Variants in SHB observed in about 807,000 individuals in gnomAD.
SHB encodes the protein SH2 domain containing adaptor protein B.
In SHB, 20 loss-of-function variants were observed where a neutral mutation model predicts 52.3. The observed-to-expected ratio is 0.38, with a 90% CI of 0.27 to 0.56. SHB has a LOEUF of 0.56. Among genes scored for constraint, SHB ranks in the 20% least tolerant of loss-of-function variants. SHB has a pLI of 0.71. For missense variants in SHB, 825 were observed against 723.3 expected, an observed-to-expected ratio of 1.14 and a Z score of -1.61; for synonymous variants, 397 against 316.5, an observed-to-expected ratio of 1.25 and a Z score of -2.70.
rs1832124791 is a variant in SHB, at chr9:37,918,105, T to C, written c.*1716A>G. On this transcript the variant is annotated 3_prime_UTR_variant, in exon 6 of 6. Transcript: ENST00000377707. ...GAGCAGCGCTGATGTCTGAACCTGC[T>C]GATGACATTCAAACTCGGCCCCTTG... is the stretch of plus-strand genomic sequence containing the variant. Among the ~76,000 whole-genome samples, 2 of 152,246 alleles carry C rather than the reference T, an allele frequency of 1.3e-5. No homozygotes were observed. The highest frequency in any genetic ancestry group is 1.3e-4 in the Admixed American group (2 of 15,288).
intron 1 of SHB, among the ~76,000 whole-genome samples, chr9:38,057,319 T>C (rs1200819789): frequency 1.3e-5 from 2 of 152,168 alleles, no homozygotes; most frequent in African/African-American, 2.4e-5. Context: ...AACATATATA[T>C]ATATGCAATG....
At chr9:37,925,177 C>T (rs776667960) in intron 5 of SHB, among the ~76,000 whole-genome samples, 1 of 152,240 alleles carries the variant, frequency 6.6e-6, no homozygotes, top group East Asian at 1.9e-4. Context: ...TGCCCAGAGC[C>T]GGGGCAATGA....
chr9:38,039,458 T>G (rs553534996), intron 1 of SHB, among the ~76,000 whole-genome samples: 1 of 152,374 alleles, frequency 6.6e-6, no homozygotes, highest in South Asian at 2.1e-4. Context: ...AAGGGGGTCA[T>G]GGCCCTGGGG....
intron 5 of SHB, among the ~76,000 whole-genome samples, chr9:37,933,833 T>C (rs1363850770): frequency 2.6e-5 from 4 of 152,208 alleles, no homozygotes; most frequent in Non-Finnish European, 5.9e-5. Context: ...TGTGGCTAAC[T>C]ACAGCTTGCT....
intron 2 of SHB, among the ~76,000 whole-genome samples, chr9:37,993,958 G>A (rs1156571367): frequency 2.0e-5 from 3 of 152,346 alleles, no homozygotes; most frequent in Middle Eastern, 3.4e-3. Flanking sequence ...ACGGCAATGG[G>A]TGGAACATGG....
At chr9:37,984,201 A>G (rs1307855936) in intron 2 of SHB, among the ~76,000 whole-genome samples, 1 of 152,036 alleles carries the variant, frequency 6.6e-6, no homozygotes, top group African/African-American at 2.4e-5. Context: ...CATCTCCAAG[A>G]CTCTTCCTCC....
chr9:37,943,057 T>C (rs753882270), intron 5 of SHB, among the ~76,000 whole-genome samples: 2 of 152,116 alleles, frequency 1.3e-5, no homozygotes, highest in Admixed American at 6.5e-5. Flanking sequence ...GCCTCACAGG[T>C]AAAGCCCCGA....
chr9:37,920,022 A>G lies in SHB; in HGVS notation c.1347-18T>C, dbSNP rs777929690. The stretch of plus-strand genomic sequence containing the variant: ...GGTTGCTCCTGTGAACAAAACACAG[A>G]GTTATCAGAACTACCCCCCTGACAC... On this transcript the variant is annotated intron_variant, in intron 5 of 5. Coordinates refer to ENST00000377707, the MANE Select transcript of SHB (RefSeq NM_003028.3). The G allele has an allele frequency of 1.9e-6, 3 of 1,608,058 alleles. No individual in the cohort carries two copies. The South Asian group carries it at 3.3e-5, about 18-fold the overall frequency.
At chr9:37,920,552 G>GA (rs1276110825) in intron 5 of SHB, among the ~76,000 whole-genome samples, 2 of 152,222 alleles carry the variant, frequency 1.3e-5, no homozygotes, top group African/African-American at 2.4e-5. Flanking sequence ...CACCCAGCCA[G>GA]GGACTACATT....
chr9:38,006,808 C>T (rs1294704378), intron 2 of SHB, among the ~76,000 whole-genome samples: 1 of 152,182 alleles, frequency 6.6e-6, no homozygotes, highest in Non-Finnish European at 1.5e-5. Flanking sequence ...TCTACTGGGG[C>T]CAAGGACAGA....
chr9:37,931,704 T>G (rs1832312696), intron 5 of SHB, among the ~76,000 whole-genome samples: 1 of 152,200 alleles, frequency 6.6e-6, no homozygotes, highest in Non-Finnish European at 1.5e-5. Flanking sequence ...AAATTAGAAG[T>G]AGAACTACAG....
intron 1 of SHB, 152 bp from the exon 2 acceptor site, chr9:38,016,283 T>C (rs985811078): frequency 5.6e-6 from 4 of 713,288 alleles, no homozygotes; most frequent in Admixed American, 5.3e-5. Context: ...GAGCTCCACA[T>C]CTCACAGGGG....
Position 38,069,188 on chromosome 9 carries a change from C to G in SHB, c.-543G>C, listed in dbSNP as rs1031072826. On this transcript the variant is annotated 5_prime_UTR_variant, in exon 1 of 6. Transcript: ENST00000377707. Reference sequence around the variant, plus strand: ...GGCAGCCGGCGCCCGCCGGAGCCCGCGCGCCCGTGCCCGTCCCGGCGGCGC... The same window carrying G: ...GGCAGCCGGCGCCCGCCGGAGCCCGGGCGCCCGTGCCCGTCCCGGCGGCGC... 6.6e-6 allele frequency: 1 copy of G among 151,396 alleles called. No homozygotes were observed. The highest frequency in any genetic ancestry group is 3.5e-3 in the Middle Eastern group (1 of 288). The allele number at this position is 151,396 out of a possible 1,614,324, so 9.4% of individuals were successfully genotyped here.
chr9:37,970,907 A>G (rs984346196), intron 3 of SHB, among the ~76,000 whole-genome samples: 7 of 151,736 alleles, frequency 4.6e-5, no homozygotes, highest in African/African-American at 1.5e-4. Flanking sequence ...GAAAGCACTG[A>G]CCCCATTCCC....
At chr9:38,064,396 T>G (rs998785034) in intron 1 of SHB, among the ~76,000 whole-genome samples, 2 of 152,216 alleles carry the variant, frequency 1.3e-5, no homozygotes, top group African/African-American at 4.8e-5. Flanking sequence ...AAGGCCCAGC[T>G]GCATGAAAGT....
intron 5 of SHB, among the ~76,000 whole-genome samples, chr9:37,942,476 G>A (rs894777226): frequency 6.6e-6 from 1 of 152,210 alleles, no homozygotes; most frequent in African/African-American, 2.4e-5. Context: ...ACCTGCCCAA[G>A]TCACCTAGTG....
At chr9:37,954,534 A>G (rs968872337) in intron 4 of SHB, among the ~76,000 whole-genome samples, 1 of 152,078 alleles carries the variant, frequency 6.6e-6, no homozygotes, top group African/African-American at 2.4e-5. Flanking sequence ...GGGCACTCTG[A>G]GCCGTGAGTC....
chr9:38,019,725 A>G (rs79154784), intron 1 of SHB, among the ~76,000 whole-genome samples: 1,654 of 152,000 alleles, frequency 0.011, 31 homozygotes, highest in African/African-American at 0.038. Context: ...TGACCCAGCA[A>G]TTTTACTTCT....
rs1554702659 is a variant in SHB at position 37,982,979 on chromosome 9, C to CCCA, written c.839-8143_839-8142insTGG. ...ATCAGCAGGCCTCTCTGGTGCCCCC[C>CCCA]CCTCCATCTTTTCCAGCTGTGCTGG... is the stretch of plus-strand genomic sequence containing the variant. On this transcript the variant is annotated intron_variant, in intron 2 of 5. Coordinates refer to ENST00000377707, the MANE Select transcript of SHB (RefSeq NM_003028.3). Among the ~76,000 whole-genome samples the CCCA allele has an allele frequency of 1.9e-3, 291 of 151,516 alleles. 2 individuals carry two copies. Among genetic ancestry groups the CCCA allele is most frequent in the East Asian group, 0.018 (92 of 5,152 alleles).
Sources: allele counts gnomAD v4.1 joint callset (sites outside exome capture counted in the v4.1 genomes callset), GRCh38; gene constraint gnomAD v4.1.1; transcripts MANE v1.5; gene names NCBI Gene and HGNC (gene_info 2026-07-23, HGNC 2026-07-21).